MINDY3: variants seen among roughly 807,000 people sequenced by gnomAD.
The protein encoded by MINDY3 is MINDY lysine 48 deubiquitinase 3.
MINDY3 carries 38 observed loss-of-function variants against 69.2 expected under a neutral mutation model. The ratio of observed to expected loss-of-function variants is 0.55; its 90% CI spans 0.42 to 0.72. The LOEUF is 0.72. Ranked by LOEUF, MINDY3 falls within the 30% of genes least tolerant of loss-of-function variation. The pLI is 0.00. For missense variants in MINDY3, 522 were observed against 519.0 expected (o/e 1.01, Z -0.06); for synonymous variants, 192 against 180.1 (o/e 1.07, Z -0.53).
At chr10:15,837,343 T>G (rs931009069) in intron 5 of MINDY3, 25 bp from the exon 6 acceptor site, 19 of 1,513,926 alleles carry the variant, frequency 1.3e-5, no homozygotes, top group Non-Finnish European at 1.5e-5. Context: ...GAATTAAGTA[T>G]TGGTATCATG....
At chr10:15,838,142 A>G in intron 5 of MINDY3, 86 bp downstream of exon 5, 1 of 1,399,274 alleles carries the variant, frequency 7.1e-7, no homozygotes, top group South Asian at 1.9e-5. Flanking sequence ...TCTATGTAAA[A>G]CTAAGAACCT....
At chr10:15,781,909 G>A (rs1836563321) in intron 14 of MINDY3, among the ~76,000 whole-genome samples, 1 of 152,116 alleles carries the variant, frequency 6.6e-6, no homozygotes, top group Admixed American at 6.6e-5. Context: ...CAAGGGTAAC[G>A]ATCTGTATGG....
rs541862644 is a variant in MINDY3 at position 15,805,258 on chromosome 10, G to T, written c.883-9086C>A. Reference sequence around the variant, plus strand: ...AGATTGCTCTTCATAATGATGAAAGGCTTAAAGAATAAACTTTAAAGACCT... The same window carrying T: ...AGATTGCTCTTCATAATGATGAAAGTCTTAAAGAATAAACTTTAAAGACCT... On this transcript the variant is annotated intron_variant, in intron 10 of 14. Transcript: ENST00000277632. 5.3e-5 allele frequency among the ~76,000 whole-genome samples: 8 copies of T among 152,178 alleles called. No individual in the cohort carries two copies. In the South Asian group the frequency reaches 1.5e-3, roughly 28 times the overall value.
intron 12 of MINDY3, chr10:15,788,795 G>A (rs1024267855): frequency 2.6e-5 from 4 of 153,236 alleles, no homozygotes; most frequent in African/African-American, 9.7e-5. Flanking sequence ...AAAAGTTTCA[G>A]GTCAGTTAAT....
intron 13 of MINDY3, among the ~76,000 whole-genome samples, chr10:15,783,762 G>T (rs1351242870): frequency 6.6e-6 from 1 of 152,042 alleles, no homozygotes; most frequent in Non-Finnish European, 1.5e-5. Context: ...AAATCAATTT[G>T]ATCGTTTCCT....
chr10:15,845,840 T>C (rs895339978), intron 2 of MINDY3, among the ~76,000 whole-genome samples: 5 of 140,824 alleles, frequency 3.6e-5, no homozygotes, highest in Admixed American at 2.1e-4. Flanking sequence ...TTTTTTTTTT[T>C]GAGACAGAGT....
At chr10:15,843,792 C>G (rs1417377710) in intron 2 of MINDY3, among the ~76,000 whole-genome samples, 2 of 152,086 alleles carry the variant, frequency 1.3e-5, no homozygotes, top group African/African-American at 4.8e-5. Flanking sequence ...AAATGGATTT[C>G]TAAACTTCCC....
intron 13 of MINDY3, among the ~76,000 whole-genome samples, chr10:15,783,474 C>G (rs957314140): frequency 3.9e-5 from 6 of 152,010 alleles, no homozygotes; most frequent in African/African-American, 1.4e-4. Context: ...TTACTCTTCT[C>G]TAAAATGCCC....
intron 10 of MINDY3, among the ~76,000 whole-genome samples, chr10:15,796,631 A>G (rs1837860387): frequency 6.6e-6 from 1 of 152,050 alleles, no homozygotes; most frequent in Non-Finnish European, 1.5e-5. Context: ...TAATGATACA[A>G]TGAGATAGCA....
At chr10:15,816,313 A>G (rs1243196614) in intron 10 of MINDY3, among the ~76,000 whole-genome samples, 1 of 151,766 alleles carries the variant, frequency 6.6e-6, no homozygotes, top group African/African-American at 2.4e-5. Flanking sequence ...AGACAAGAAA[A>G]GAAATATTCA....
chr10:15,789,567 T>G (rs1837258401), intron 11 of MINDY3, among the ~76,000 whole-genome samples: 1 of 152,134 alleles, frequency 6.6e-6, no homozygotes, highest in Non-Finnish European at 1.5e-5. Context: ...AAGCTTAAAG[T>G]CAAATTACTT....
intron 2 of MINDY3, among the ~76,000 whole-genome samples, chr10:15,846,652 G>A (rs1377952584): frequency 6.6e-6 from 1 of 151,250 alleles, no homozygotes; most frequent in East Asian, 1.9e-4. Context: ...AATAATGTAA[G>A]TATTATTATG....
chr10:15,810,745 C>T (rs1838942818), intron 10 of MINDY3, among the ~76,000 whole-genome samples: 1 of 152,094 alleles, frequency 6.6e-6, no homozygotes, highest in Admixed American at 6.5e-5. Context: ...ATCCTGCCAT[C>T]ACAGAGCTTA....
rs1216820243 is a variant in MINDY3 at position 15,831,728 on chromosome 10, TGCCGTG to T, written c.730+1896_730+1901del. On this transcript the variant is annotated intron_variant, in intron 8 of 14. Coordinates refer to ENST00000277632, the MANE Select transcript of MINDY3 (RefSeq NM_024948.4). Reference sequence around the variant, plus strand: ...TCTCGCTCTATTGCTCAGGCTGGAGTGCCGTGGCATGATCTCAGCTCACTGCAACCT... The same window carrying T: ...TCTCGCTCTATTGCTCAGGCTGGAGTGCATGATCTCAGCTCACTGCAACCT... Among the ~76,000 whole-genome samples the T allele has an allele frequency of 1.1e-3, 157 of 146,350 alleles. 1 individual carries two copies. Among genetic ancestry groups the T allele is most frequent in the African/African-American group, 4.0e-3 (153 of 38,704 alleles).
At chr10:15,835,202 A>C (rs900748148) in intron 6 of MINDY3, among the ~76,000 whole-genome samples, 2 of 152,050 alleles carry the variant, frequency 1.3e-5, no homozygotes. Flanking sequence ...CAATTTCCTG[A>C]TACTTTTTAA....
At chr10:15,846,973 T>C (rs1336262586) in intron 2 of MINDY3, among the ~76,000 whole-genome samples, 1 of 152,196 alleles carries the variant, frequency 6.6e-6, no homozygotes, top group African/African-American at 2.4e-5. Context: ...TCCACCCACC[T>C]TGGCCTCCCA....
chr10:15,847,403 G>A (rs1564527459), intron 2 of MINDY3, among the ~76,000 whole-genome samples: 1 of 152,162 alleles, frequency 6.6e-6, no homozygotes, highest in Non-Finnish European at 1.5e-5. Context: ...CAAAGCTATA[G>A]CATAAAATAG....
intron 3 of MINDY3, among the ~76,000 whole-genome samples, chr10:15,842,330 T>G (rs779239750): frequency 2.0e-5 from 3 of 151,924 alleles, no homozygotes; most frequent in Non-Finnish European, 4.4e-5. Flanking sequence ...GTTCACTTTC[T>G]AATCACCACA....
intron 8 of MINDY3, among the ~76,000 whole-genome samples, chr10:15,833,004 G>A (rs1020702435): frequency 2.0e-5 from 3 of 152,154 alleles, no homozygotes; most frequent in Admixed American, 6.5e-5. Context: ...ATAAATAAAT[G>A]AATTCAGACT....
Sources: allele counts gnomAD v4.1 joint callset (sites outside exome capture counted in the v4.1 genomes callset), GRCh38; gene constraint gnomAD v4.1.1; transcripts MANE v1.5; gene names NCBI Gene and HGNC (gene_info 2026-07-23, HGNC 2026-07-21).